Variants in APLF observed in about 807,000 individuals in gnomAD.
APLF encodes the protein aprataxin and PNKP like factor.
A neutral mutation model predicts 55.6 loss-of-function variants in APLF; 61 were observed. That is an observed-to-expected ratio of 1.10 (90% CI 0.89 to 1.36). The LOEUF (loss-of-function observed/expected upper bound fraction) is 1.36. APLF is among the 40% of genes most tolerant of loss of function. The pLI is 0.00. For synonymous variants in APLF, 207 were observed against 214.8 expected (o/e 0.96, Z 0.32); for missense variants, 611 against 602.5 (o/e 1.01, Z -0.15).
chr2:68,562,941 T>TTC (rs1343153428), intron 8 of APLF, among the ~76,000 whole-genome samples: 4 of 152,098 alleles, frequency 2.6e-5, no homozygotes, highest in Non-Finnish European at 4.4e-5. Flanking sequence ...GCTCATTTTC[T>TTC]TGTTAAAGTC....
At chr2:68,545,522 A>G (rs1156730516) in intron 8 of APLF, among the ~76,000 whole-genome samples, 1 of 152,184 alleles carries the variant, frequency 6.6e-6, no homozygotes. Flanking sequence ...CGAGTGCCTG[A>G]AATTTTTCCT....
intron 2 of APLF, 133 bp from the exon 3 acceptor site, chr2:68,502,597 GT>G: frequency 2.0e-6 from 1 of 498,116 alleles, no homozygotes; most frequent in South Asian, 7.7e-5. Flanking sequence ...TTAAGTCTAA[GT>G]TTATGCTTAA....
chr2:68,478,239 C>G (rs534304932), intron 1 of APLF, among the ~76,000 whole-genome samples: 1 of 151,860 alleles, frequency 6.6e-6, no homozygotes, highest in South Asian at 2.1e-4. Context: ...AGGTCTGCAG[C>G]TGTGTTGCCT....
rs888943556 is a variant in APLF, at chr2:68,529,183, A to C, written c.804+2941A>C. 3.3e-5 allele frequency: 42 copies of C among 1,283,678 alleles called. No homozygotes were observed. Among genetic ancestry groups the C allele is most frequent in the Non-Finnish European group, 4.3e-6 (4 of 940,234 alleles). 79.5% of individuals were successfully genotyped at this position (1,283,678 alleles called of 1,614,324 possible). ...TCCTTGAGGGGGGGCTCCAGACAAC[A>C]GGAGGCAGGACCCTCTGTGGGGTGC... On this transcript the variant is annotated intron_variant, in intron 6 of 9. Coordinates refer to ENST00000303795, the MANE Select transcript of APLF (RefSeq NM_173545.3). The surrounding 1 kb of genome is among the most constrained non-coding windows in gnomAD (Gnocchi z 4.4).
intron 5 of APLF, among the ~76,000 whole-genome samples, chr2:68,516,909 T>A (rs1314403470): frequency 1.3e-4 from 17 of 129,076 alleles, no homozygotes; most frequent in African/African-American, 4.7e-4. Context: ...ATATTATATA[T>A]CCTATATAAC....
At chr2:68,573,672 CAA>C (rs67959075) in intron 9 of APLF, among the ~76,000 whole-genome samples, 43 of 93,000 alleles carry the variant, frequency 4.6e-4, no homozygotes, top group Admixed American at 7.4e-4. Context: ...GACCTTGTCT[CAA>C]AAAAAAAAAA....
chr2:68,553,900 GTTA>G (rs1376132487), intron 8 of APLF, among the ~76,000 whole-genome samples: 1 of 151,894 alleles, frequency 6.6e-6, no homozygotes, highest in Non-Finnish European at 1.5e-5. Flanking sequence ...TTCATATTTT[GTTA>G]TTATTATTAT....
chr2:68,518,153 T>C (rs1299341000), intron 5 of APLF, among the ~76,000 whole-genome samples: 1 of 125,496 alleles, frequency 8.0e-6, no homozygotes. Flanking sequence ...TAATATATTA[T>C]TAATGTATAA....
intron 1 of APLF, among the ~76,000 whole-genome samples, chr2:68,479,915 A>C (rs111248684): frequency 1.3e-5 from 2 of 152,154 alleles, no homozygotes; most frequent in Non-Finnish European, 2.9e-5. Context: ...ATGAAGACCT[A>C]TATGATGATC....
Position 68,518,111 on chromosome 2 carries a change from CAT to C in APLF, c.622+4435_622+4436del, listed in dbSNP as rs541548806. On this transcript the variant is annotated intron_variant, in intron 5 of 9. Coordinates refer to ENST00000303795, the MANE Select transcript of APLF (RefSeq NM_173545.3). The stretch of plus-strand genomic sequence containing the variant: ...TAATATATATTAATATATAATATAT[CAT>C]ATACAATATTAATATATATTAATAT... Among the ~76,000 whole-genome samples, 851 of 126,516 alleles carry C rather than the reference CAT, an allele frequency of 6.7e-3. 8 individuals are homozygous for C. Among genetic ancestry groups the C allele is most frequent in the African/African-American group, 0.022 (766 of 34,214 alleles). 83.0% of individuals were successfully genotyped at this position (126,516 alleles called of 152,430 possible).
chr2:68,495,748 A>G (rs1365131349), intron 2 of APLF, among the ~76,000 whole-genome samples: 1 of 152,230 alleles, frequency 6.6e-6, no homozygotes, highest in Non-Finnish European at 1.5e-5. Flanking sequence ...TTTTCCATGC[A>G]TCCTCTGAAA....
At chr2:68,576,476 T>C (rs1269002966) in intron 9 of APLF, among the ~76,000 whole-genome samples, 2 of 152,202 alleles carry the variant, frequency 1.3e-5, no homozygotes, top group African/African-American at 2.4e-5. Context: ...ATTGCCTTTT[T>C]AGCCTTGGCT....
chr2:68,563,094 G>T, intron 8 of APLF: 1 of 985,120 alleles, frequency 1.0e-6, no homozygotes, highest in Non-Finnish European at 1.2e-6. Flanking sequence ...TTTTGCTTTA[G>T]GTTGGAAGTT....
intron 2 of APLF, among the ~76,000 whole-genome samples, chr2:68,497,162 T>C (rs1573177012): frequency 6.6e-6 from 1 of 152,170 alleles, no homozygotes; most frequent in East Asian, 1.9e-4. Context: ...ATCTGCTTGG[T>C]TTCTGGGGAG....
intron 8 of APLF, among the ~76,000 whole-genome samples, chr2:68,562,811 T>A (rs1004593018): frequency 1.3e-5 from 2 of 152,018 alleles, no homozygotes; most frequent in African/African-American, 4.8e-5. Flanking sequence ...AAAAGATAAT[T>A]TAAGAATGTA....
chr2:68,516,893 AATAAT>A (rs1193543365), intron 5 of APLF, among the ~76,000 whole-genome samples: 3 of 132,212 alleles, frequency 2.3e-5, no homozygotes, highest in Non-Finnish European at 1.6e-5. Flanking sequence ...TATATAATAT[AATAAT>A]ATATTATATA....
chr2:68,494,277 C>CAAAAAAAAAA (rs59466460), intron 2 of APLF, among the ~76,000 whole-genome samples: 2 of 49,544 alleles, frequency 4.0e-5, no homozygotes, highest in African/African-American at 6.3e-5. Context: ...GACCCCGTCT[C>CAAAAAAAAAA]AAAAAAAAAA....
intron 8 of APLF, among the ~76,000 whole-genome samples, chr2:68,557,404 G>A (rs562114616): frequency 8.5e-5 from 13 of 152,214 alleles, no homozygotes; most frequent in African/African-American, 2.9e-4. Context: ...CCAGCTATGA[G>A]GGCTGACTAT....
intron 7 of APLF, among the ~76,000 whole-genome samples, chr2:68,541,549 G>A (rs1034843288): frequency 6.6e-6 from 1 of 152,088 alleles, no homozygotes; most frequent in African/African-American, 2.4e-5. Context: ...AGTCATGTAG[G>A]GAAACACATT....
Sources: gnomAD v4.1 joint callset for allele counts (sites outside exome capture counted in the v4.1 genomes callset) on GRCh38, gnomAD v4.1.1 for gene constraint, Gnocchi (gnomAD v3.1) non-coding constraint, MANE v1.5 for transcripts, NCBI Gene and HGNC (gene_info 2026-07-23, HGNC 2026-07-21) for gene names.